The following ANKRD34A variants were observed in gnomAD, a reference collection of about 807,000 sequenced individuals.
ANKRD34A encodes the protein ankyrin repeat domain 34A.
In ANKRD34A, 7 loss-of-function variants were observed where a neutral mutation model predicts 27.1. That is an observed-to-expected ratio of 0.26 (90% CI 0.15 to 0.49). The LOEUF is 0.49. Ranked by LOEUF, ANKRD34A falls within the 20% of genes least tolerant of loss-of-function variation. ANKRD34A has a pLI of 0.99. For synonymous variants in ANKRD34A, 301 were observed against 300.8 expected (o/e 1.00, Z -0.01); for missense variants, 472 against 682.1 (o/e 0.69, Z 3.43).
rs1649719456 is a variant in ANKRD34A at position 145,960,864 on chromosome 1, G to A, written c.896C>T (p.Pro299Leu). 4 of 1,614,144 alleles carry A rather than the reference G, an allele frequency of 2.5e-6. No homozygotes were observed. The highest frequency in any genetic ancestry group is 3.4e-6 in the Non-Finnish European group (4 of 1,180,048). ...GCTAGTCACTTTCTCCGCCCATGGG[G>A]GCGGGTCCTCAGGGCCTTCGGTGCT... is the stretch of plus-strand genomic sequence containing the variant. ...RHSTEGPEDPPPWAEKVTSGG... is the reference protein window; with the variant it reads ...RHSTEGPEDPLPWAEKVTSGG... The change falls in exon 4 of 4, where the codon CCC (proline) becomes CTC (leucine). Residue 299 changes from proline (P) to leucine (L), a missense_variant. Coordinates refer to ENST00000606888, the MANE Select transcript of ANKRD34A (RefSeq NM_001039888.4). This position sits in a 1 kb window ranked among gnomAD's most constrained non-coding sequence, Gnocchi z 5.5.
At position 145,964,211 on chromosome 1, in the gene ANKRD34A, A is replaced by G. The variant is rs1649908603; in HGVS notation, c.-924T>C. 6.6e-6 allele frequency: 1 copy of G among 152,466 alleles called. No homozygotes were observed. Among genetic ancestry groups the G allele is most frequent in the Non-Finnish European group, 1.5e-5 (1 of 68,126 alleles). 9.4% of individuals were successfully genotyped at this position (152,466 alleles called of 1,614,324 possible). A position where few individuals can be genotyped will look rare whatever the true frequency, so the allele number is the denominator to read the frequency against. On this transcript the variant is annotated 5_prime_UTR_variant, in exon 1 of 4. Coordinates refer to ENST00000606888, the MANE Select transcript of ANKRD34A (RefSeq NM_001039888.4). The stretch of plus-strand genomic sequence containing the variant: ...TCTCACAGACACGGCAGCAACCCAC[A>G]GAAAAACATTTTTAGAAAAGAAGTA...
rs782018409 is a variant in ANKRD34A, at chr1:145,961,172, C to CCCT, written c.585_587dup (p.Gly196dup). On this transcript the variant is annotated inframe_insertion, in exon 4 of 4. Transcript: ENST00000606888. The surrounding 1 kb of genome is among the most constrained non-coding windows in gnomAD (Gnocchi z 9.5). The stretch of plus-strand genomic sequence containing the variant: ...GGGCGCGAGGGGATAACATCCCACG[C>CCCT]CCTCCTCCTCCAGCGGTCTGCAGTT... 2 of 1,614,152 alleles carry CCCT rather than the reference C, an allele frequency of 1.2e-6. No homozygotes were observed. Among genetic ancestry groups the CCCT allele is most frequent in the Middle Eastern group, 1.6e-4 (1 of 6,062 alleles).
chr1:145,961,721 C>T lies in ANKRD34A; in HGVS notation c.39G>A (p.Val13=), dbSNP rs1553761442. Residue 13 remains valine, a synonymous_variant, in exon 4 of 4, where the codon GTG becomes GTA. Transcript: ENST00000606888. The surrounding 1 kb of genome is among the most constrained non-coding windows in gnomAD (Gnocchi z 9.5). ...GGGCCAAGCGTAGCTTACCCTGACC[C>T]ACCGCCCGAAGAAGAGCGTGGCCCT... The part of the protein sequence containing the change: ...HTEGHALLRA[V]GQGKLRLARL... The T allele has an allele frequency of 1.3e-5, 21 of 1,613,804 alleles. No homozygotes were observed. Among genetic ancestry groups the T allele is most frequent in the Non-Finnish European group, 1.5e-5 (18 of 1,179,900 alleles).
Position 145,960,372 on chromosome 1 carries a change from C to T in ANKRD34A, c.1388G>A (p.Arg463Lys), listed in dbSNP as rs1553761081. The T allele has an allele frequency of 2.5e-6, 4 of 1,597,224 alleles. No homozygotes were observed. In the South Asian group the frequency reaches 4.4e-5, roughly 18 times the overall value. ...PPYAGAPGSP[R>K]TKRKLVRRHS... Reference sequence around the variant, plus strand: ...GCGTCTCACCAATTTGCGCTTGGTCCTGGGAGAGCCTGGCGCCCCGGCATA... The same window carrying T: ...GCGTCTCACCAATTTGCGCTTGGTCTTGGGAGAGCCTGGCGCCCCGGCATA... The change falls in exon 4 of 4, where the codon AGG becomes AAG. Residue 463 changes from arginine to lysine, a missense_variant. Around this residue, in one of 4 missense-constraint regions of ANKRD34A, gnomAD observed 53 missense variants for 70.3 expected, o/e 0.75. Transcript: ENST00000606888. The surrounding 1 kb of genome is among the most constrained non-coding windows in gnomAD (Gnocchi z 5.5).
In ANKRD34A at chr1:145,961,836, G is replaced by A. The variant is rs1393050681; in HGVS notation, c.-77C>T. The A allele has an allele frequency of 6.8e-7, 1 of 1,477,818 alleles. No homozygotes were observed. Among genetic ancestry groups the A allele is most frequent in the Non-Finnish European group, 9.0e-7 (1 of 1,112,042 alleles). The allele number at this position is 1,477,818 out of a possible 1,614,324, so 91.5% of individuals were successfully genotyped here. ...GGATGACTAGGGGTATGGGGAGGGG[G>A]AGTGGCTGGCAGAGGCCTGAGGTCT... On this transcript the variant is annotated 5_prime_UTR_variant, in exon 4 of 4. Coordinates refer to ENST00000606888, the MANE Select transcript of ANKRD34A (RefSeq NM_001039888.4). This position sits in a 1 kb window ranked among gnomAD's most constrained non-coding sequence, Gnocchi z 9.5.
Position 145,961,000 on chromosome 1 carries a change from C to T in ANKRD34A, c.760G>A (p.Ala254Thr), listed in dbSNP as rs782339253. 3.0e-5 allele frequency: 48 copies of T among 1,613,914 alleles called. No homozygotes were observed. Among genetic ancestry groups the T allele is most frequent in the Middle Eastern group, 1.6e-4 (1 of 6,084 alleles). Reference protein sequence around the residue: ...RLNSEPWGLVAPPQPVPPTEG... With the variant: ...RLNSEPWGLVTPPQPVPPTEG... The stretch of plus-strand genomic sequence containing the variant: ...GTGGGTGGGACTGGTTGAGGAGGGG[C>T]CACTAGGCCCCAGGGCTCGGAGTTG... The change falls in exon 4 of 4, where the codon GCC (alanine) becomes ACC (threonine). Residue 254 changes from alanine to threonine, a missense_variant. Physicochemically the swap from Ala to Thr is moderately conservative, Grantham distance 58. Coordinates refer to ENST00000606888, the MANE Select transcript of ANKRD34A (RefSeq NM_001039888.4). The surrounding 1 kb of genome is among the most constrained non-coding windows in gnomAD (Gnocchi z 5.5).
At position 145,960,601 on chromosome 1, in the gene ANKRD34A, G is replaced by C. The variant is rs1192337397; in HGVS notation, c.1159C>G (p.Leu387Val). 2.5e-6 allele frequency: 4 copies of C among 1,585,296 alleles called. No homozygotes were observed. In the African/African-American group the frequency reaches 5.4e-5, roughly 21 times the overall value. Residue 387 changes from leucine to valine, a missense_variant, in exon 4 of 4, where the codon CTG (leucine) becomes GTG (valine). Leu to Val is a conservative substitution (Grantham distance 32, BLOSUM62 1). This residue lies in a region of ANKRD34A where 295 missense variants were observed against 335.0 expected (regional missense o/e 0.88). Transcript: ENST00000606888. The surrounding 1 kb of genome is among the most constrained non-coding windows in gnomAD (Gnocchi z 5.5). ...APSPRQSQES[L>V]PGAVSPLSGR... is the part of the protein sequence containing the mutation. Reference sequence around the variant, plus strand: ...CTTAGCGGAGATACTGCCCCTGGCAGACTCTCCTGGGACTGGCGCGGAGAG... The same window carrying C: ...CTTAGCGGAGATACTGCCCCTGGCACACTCTCCTGGGACTGGCGCGGAGAG...
chr1:145,960,963 G>T lies in ANKRD34A; in HGVS notation c.797C>A (p.Pro266Gln). The T allele has an allele frequency of 1.9e-6, 3 of 1,614,188 alleles. No individual in the cohort carries two copies. Among genetic ancestry groups the T allele is most frequent in the South Asian group, 1.1e-5 (1 of 91,084 alleles). The part of the protein sequence containing the change: ...PQPVPPTEGR[P>Q]GIERLTAEFN... ...TTCGGCAGTCAAGCGCTCGATCCCC[G>T]GTCTCCCTTCAGTGGGTGGGACTGG... The change falls in exon 4 of 4, where the codon CCG becomes CAG. Residue 266 changes from proline (P) to glutamine (Q), a missense_variant. Coordinates refer to ENST00000606888, the MANE Select transcript of ANKRD34A (RefSeq NM_001039888.4). This position sits in a 1 kb window ranked among gnomAD's most constrained non-coding sequence, Gnocchi z 5.5.
At chr1:145,962,109 A>C in intron 3 of ANKRD34A, 5 of 268,642 alleles carry the variant, frequency 1.9e-5, no homozygotes, top group South Asian at 9.8e-5. Context: ...GGATGTCCGC[A>C]CCCCCACCCT....
rs1553761123 is a variant in ANKRD34A, at chr1:145,960,482, G to A, written c.1278C>T (p.Pro426=). The part of the protein sequence containing the change: ...HISQTRPGFL[P]PLNVSPHPPI... Reference sequence around the variant, plus strand: ...GAGGGTGGGGACTGACGTTGAGAGGGGGTAGGAAACCCGGCCGCGTTTGCG... The same window carrying A: ...GAGGGTGGGGACTGACGTTGAGAGGAGGTAGGAAACCCGGCCGCGTTTGCG... Residue 426 remains proline, a synonymous_variant, in exon 4 of 4, where the codon CCC becomes CCT. Coordinates refer to ENST00000606888, the MANE Select transcript of ANKRD34A (RefSeq NM_001039888.4). This position sits in a 1 kb window ranked among gnomAD's most constrained non-coding sequence, Gnocchi z 5.5. 1 of 1,603,914 alleles carries A rather than the reference G, an allele frequency of 6.2e-7. No individual in the cohort carries two copies. The highest frequency in any genetic ancestry group is 1.1e-5 in the South Asian group (1 of 89,196).
In ANKRD34A at chr1:145,960,524, CA is replaced by C; in HGVS notation, c.1235del (p.Leu412CysfsTer58). ...GCGTTTGCGAGATGTGGTCCAGGAG[CA>C]ACGTCCCCGAGCCCCTCCGCTCCAG... Reference protein sequence around the residue: ...GLLERRGSGTLLLDHISQTRP... With the variant: ...GLLERRGSGTXLLDHISQTRP... On this transcript the variant is annotated frameshift_variant, in exon 4 of 4. Coordinates refer to ENST00000606888, the MANE Select transcript of ANKRD34A (RefSeq NM_001039888.4). LOFTEE classifies it high-confidence loss of function. The surrounding 1 kb of genome is among the most constrained non-coding windows in gnomAD (Gnocchi z 5.5). The C allele has an allele frequency of 5.0e-6, 8 of 1,592,512 alleles. No individual in the cohort carries two copies. Among genetic ancestry groups the C allele is most frequent in the Non-Finnish European group, 6.8e-6 (8 of 1,169,874 alleles).
chr1:145,963,713 C>G (rs76354365), intron 1 of ANKRD34A, among the ~76,000 whole-genome samples, 176 bp from the exon 2 acceptor site: 4,458 of 152,272 alleles, frequency 0.029, 253 homozygotes, highest in African/African-American at 0.1. Flanking sequence ...CCCATTTTTA[C>G]TAGTTATTTC....
At position 145,960,694 on chromosome 1, in the gene ANKRD34A, G is replaced by T. The variant is rs1649707750; in HGVS notation, c.1066C>A (p.Arg356Ser). 1 of 1,610,102 alleles carries T rather than the reference G, an allele frequency of 6.2e-7. No homozygotes were observed. The highest frequency in any genetic ancestry group is 1.1e-5 in the South Asian group (1 of 90,744). Residue 356 changes from arginine to serine, a missense_variant, in exon 4 of 4, where the codon CGC becomes AGC. Physicochemically the swap from Arg to Ser is moderately radical, Grantham distance 110. Coordinates refer to ENST00000606888, the MANE Select transcript of ANKRD34A (RefSeq NM_001039888.4). The surrounding 1 kb of genome is among the most constrained non-coding windows in gnomAD (Gnocchi z 5.5). ...HLCPDSPESS[R>S]LSLERRRYSA... The stretch of plus-strand genomic sequence containing the variant: ...TATCGGCGGCGCTCCAGGGACAGGC[G>T]GCTGGACTCAGGCGAGTCAGGGCAA...
chr1:145,961,557 G>T lies in ANKRD34A; in HGVS notation c.203C>A (p.Ala68Glu). Residue 68 changes from alanine (A) to glutamate (E), a missense_variant, in exon 4 of 4, where the codon GCG becomes GAG. Transcript: ENST00000606888. The surrounding 1 kb of genome is among the most constrained non-coding windows in gnomAD (Gnocchi z 9.5). ...RMVRYLLEQG[A>E]DPNIADRLGR... ...TAATCGGTCTGCGATATTGGGGTCC[G>T]CGCCTTGCTCCAGGAGGTAGCGTAC... 6.3e-7 allele frequency: 1 copy of T among 1,595,542 alleles called. No individual in the cohort carries two copies.
chr1:145,959,957 G>T lies in ANKRD34A; in HGVS notation c.*312C>A. The T allele has an allele frequency of 2.8e-6, 1 of 357,310 alleles. No homozygotes were observed. Among genetic ancestry groups the T allele is most frequent in the Admixed American group, 4.8e-5 (1 of 20,890 alleles). 22.1% of individuals were successfully genotyped at this position (357,310 alleles called of 1,614,324 possible). A position where few individuals can be genotyped will look rare whatever the true frequency, so the allele number is the denominator to read the frequency against. ...CCCTACTGCTTCTGAACAAATGCAA[G>T]AGAGTTTGGGACCCTAGCCCTGTGT... On this transcript the variant is annotated 3_prime_UTR_variant, in exon 4 of 4. Transcript: ENST00000606888.
Position 145,961,127 on chromosome 1 carries a change from C to CTCTTCTTCTCCTCTTCTTCTGGG in ANKRD34A, c.632_633insCCCAGAAGAAGAGGAGAAGAAGA (p.Asp212ProfsTer49). On this transcript the variant is annotated frameshift_variant, in exon 4 of 4. Coordinates refer to ENST00000606888, the MANE Select transcript of ANKRD34A (RefSeq NM_001039888.4). LOFTEE classifies it high-confidence loss of function. This position sits in a 1 kb window ranked among gnomAD's most constrained non-coding sequence, Gnocchi z 9.5. ...TAGGAAGAGGGAATTCAAATACGTC[C>CTCTTCTTCTCCTCTTCTTCTGGG]CGCTTCTCCTCTTCTTCCTGGGCGC... The CTCTTCTTCTCCTCTTCTTCTGGG allele has an allele frequency of 6.2e-7, 1 of 1,614,050 alleles. No homozygotes were observed. Among genetic ancestry groups the CTCTTCTTCTCCTCTTCTTCTGGG allele is most frequent in the Non-Finnish European group, 8.5e-7 (1 of 1,179,952 alleles).
intron 3 of ANKRD34A, 107 bp downstream of exon 3, chr1:145,962,314 G>C (rs1649810515): frequency 6.5e-6 from 1 of 154,096 alleles, no homozygotes; most frequent in Non-Finnish European, 1.4e-5. Context: ...GCCTGCATTT[G>C]AGACCTAAAA....
chr1:145,963,363 G>GTC lies in ANKRD34A; in HGVS notation c.-724_-723dup, dbSNP rs1649872658. On this transcript the variant is annotated 5_prime_UTR_variant, in exon 2 of 4. The change abolishes the stop of an existing upstream ORF in the 5' untranslated region. Transcript: ENST00000606888. ...TCTTTAATCTCAGTCTTGCTTAGACGTCTTATTTTTTCCATCTTGCTTGAC... is the reference window on the plus strand; with the variant it reads ...TCTTTAATCTCAGTCTTGCTTAGACGTCTCTTATTTTTTCCATCTTGCTTGAC... 1.3e-5 allele frequency: 2 copies of GTC among 152,374 alleles called. No homozygotes were observed. The highest frequency in any genetic ancestry group is 2.9e-5 in the Non-Finnish European group (2 of 68,058). The allele number at this position is 152,374 out of a possible 1,614,324, so 9.4% of individuals were successfully genotyped here. A position where few individuals can be genotyped will look rare whatever the true frequency, so the allele number is the denominator to read the frequency against.
chr1:145,960,897 C>G lies in ANKRD34A; in HGVS notation c.863G>C (p.Arg288Pro). 1 of 1,614,186 alleles carries G rather than the reference C, an allele frequency of 6.2e-7. No individual in the cohort carries two copies. ...CTCAGGGCCTTCGGTGCTGTGACGTCGGGAAAGACGGGGTCGACCGGTCAG... is the reference window on the plus strand; with the variant it reads ...CTCAGGGCCTTCGGTGCTGTGACGTGGGGAAAGACGGGGTCGACCGGTCAG... ...LTLTGRPRLS[R>P]RHSTEGPEDP... Residue 288 changes from arginine (R) to proline (P), a missense_variant, in exon 4 of 4, where the codon CGA (arginine) becomes CCA (proline). Physicochemically the swap from Arg to Pro is moderately radical, Grantham distance 103. Coordinates refer to ENST00000606888, the MANE Select transcript of ANKRD34A (RefSeq NM_001039888.4). This position sits in a 1 kb window ranked among gnomAD's most constrained non-coding sequence, Gnocchi z 5.5.
Sources: gnomAD v4.1 joint callset for allele counts (sites outside exome capture counted in the v4.1 genomes callset) on GRCh38, gnomAD v4.1.1 for gene constraint, gnomAD v4.1.1 regional missense constraint, Gnocchi (gnomAD v3.1) non-coding constraint, MANE v1.5 for transcripts, NCBI Gene and HGNC (gene_info 2026-07-23, HGNC 2026-07-21) for gene names.